APRT: variants seen among roughly 807,000 people sequenced by gnomAD.
APRT encodes the protein AMP diphosphorylase.
Under a neutral mutation model 21.0 loss-of-function variants are expected in APRT, and 25 were observed. The ratio of observed to expected loss-of-function variants is 1.19; its 90% CI spans 0.87 to 1.66. The LOEUF (loss-of-function observed/expected upper bound fraction) is 1.66. APRT is among the 40% of genes most tolerant of loss of function. The pLI is 0.00. For missense variants in APRT, 294 were observed against 232.7 expected, an observed-to-expected ratio of 1.26 and a Z score of -1.72; for synonymous variants, 153 against 109.0, an observed-to-expected ratio of 1.40 and a Z score of -2.52.
Position 88,809,535 on chromosome 16 carries a change from G to T in APRT, c.*163C>A. The T allele has an allele frequency of 8.7e-7, 1 of 1,153,182 alleles. No homozygotes were observed. Among genetic ancestry groups the T allele is most frequent in the Non-Finnish European group, 1.3e-6 (1 of 791,100 alleles). The allele number at this position is 1,153,182 out of a possible 1,614,324, so 71.4% of individuals were successfully genotyped here. A position where few individuals can be genotyped will look rare whatever the true frequency, so the allele number is the denominator to read the frequency against. On this transcript the variant is annotated 3_prime_UTR_variant, in exon 5 of 5. Transcript: ENST00000378364. Reference sequence around the variant, plus strand: ...TTGGGTTCAGTGTGGCTGAAACACAGCTTTGCCCCAGGCTTTGGCACTTCC... The same window carrying T: ...TTGGGTTCAGTGTGGCTGAAACACATCTTTGCCCCAGGCTTTGGCACTTCC...
Position 88,810,511 on chromosome 16 carries a change from T to C in APRT, c.233A>G (p.Glu78Gly). The C allele has an allele frequency of 5.0e-6, 8 of 1,612,194 alleles. No individual in the cohort carries two copies. Among genetic ancestry groups the C allele is most frequent in the Non-Finnish European group, 6.8e-6 (8 of 1,179,896 alleles). ...GATGAGCACGCAGCCCAGTCCAAGC[T>C]CCTGGGCCAGGGAGGGGCCAAAGAG... Reference protein sequence around the residue: ...GFLFGPSLAQELGLGCVLIRK... With the variant: ...GFLFGPSLAQGLGLGCVLIRK... The change falls in exon 3 of 5, where the codon GAG becomes GGG. Residue 78 changes from glutamate (E) to glycine (G), a missense_variant. Physicochemically the swap from Glu to Gly is moderately conservative, Grantham distance 98 (BLOSUM62 -2). Transcript: ENST00000378364.
chr16:88,811,482 G>A, intron 2 of APRT, 68 bp downstream of exon 2: 2 of 1,463,304 alleles, frequency 1.4e-6, no homozygotes, highest in Admixed American at 3.9e-5. Flanking sequence ...CAGACGCGCA[G>A]AGCCCACGTG....
In APRT at chr16:88,811,814, G is replaced by A; in HGVS notation, c.80+6C>T. 6.4e-7 allele frequency: 1 copy of A among 1,562,972 alleles called. No individual in the cohort carries two copies. The highest frequency in any genetic ancestry group is 1.2e-5 in the South Asian group (1 of 85,066). On this transcript the variant is annotated splice_donor_region_variant and intron_variant, in intron 1 of 4. Transcript: ENST00000378364. ...GGGGCGCCACGAGGGCGGCCTGTGC[G>A]TGCACCTGAATACCACGCCTGGGGT...
rs1479085979 is a variant in APRT, at chr16:88,810,148, C to T, written c.322G>A (p.Ala108Thr). The T allele has an allele frequency of 6.2e-7, 1 of 1,612,828 alleles. No individual in the cohort carries two copies. The highest frequency in any genetic ancestry group is 8.5e-7 in the Non-Finnish European group (1 of 1,179,948). ...WASYSLEYGKAELEIQKDALE... is the reference protein window; with the variant it reads ...WASYSLEYGKTELEIQKDALE... ...GCGTCTTTCTGAATCTCCAGCTCAG[C>T]CTGGAGTGGGAAGTGGTGTGTGGTC... The change falls in exon 4 of 5, where the codon GCT becomes ACT. Residue 108 changes from alanine (A) to threonine (T), a missense_variant and splice_region_variant. By Grantham distance (58) the Ala-to-Thr change is moderately conservative. Transcript: ENST00000378364.
rs777192813 is a variant in APRT, at chr16:88,811,644, G to A, written c.93C>T (p.Pro31=). 1.7e-5 allele frequency: 27 copies of A among 1,595,858 alleles called. No individual in the cohort carries two copies. Among genetic ancestry groups the A allele is most frequent in the East Asian group, 4.5e-5 (2 of 43,992 alleles). Reference sequence around the variant, plus strand: ...GGAAGGAGGCGGGGTCCTTCAGGACGGGCGAGATGTCCCTGGACCCAAGGA... The same window carrying A: ...GGAAGGAGGCGGGGTCCTTCAGGACAGGCGAGATGTCCCTGGACCCAAGGA... The part of the protein sequence containing the change: ...TPGVVFRDIS[P]VLKDPASFRA... The change falls in exon 2 of 5, where the codon CCC becomes CCT. Residue 31 remains proline, a synonymous_variant. Coordinates refer to ENST00000378364, the MANE Select transcript of APRT (RefSeq NM_000485.3).
chr16:88,810,301 C>T (rs1909070598), intron 3 of APRT, 122 bp downstream of exon 3: 8 of 1,526,970 alleles, frequency 5.2e-6, no homozygotes, highest in Middle Eastern at 1.7e-4. Context: ...TCTCTGAGCT[C>T]CCAAGGCCAC....
chr16:88,811,539 T>G lies in APRT; in HGVS notation c.187+11A>C. 1 of 1,581,998 alleles carries G rather than the reference T, an allele frequency of 6.3e-7. No individual in the cohort carries two copies. The highest frequency in any genetic ancestry group is 8.6e-7 in the Non-Finnish European group (1 of 1,165,496). ...GCGGAAGCGCCCTAGATGCGGCCAC[T>G]GGGCACTCGCCTGCGATGTAGTCGA... On this transcript the variant is annotated intron_variant, in intron 2 of 4. Transcript: ENST00000378364.
At position 88,809,481 on chromosome 16, in the gene APRT, T is replaced by C. The variant is rs768930726; in HGVS notation, c.*217A>G. 3 of 753,010 alleles carry C rather than the reference T, an allele frequency of 4.0e-6. No individual in the cohort carries two copies. Among genetic ancestry groups the C allele is most frequent in the African/African-American group, 3.4e-5 (2 of 58,032 alleles). The allele number at this position is 753,010 out of a possible 1,614,324, so 46.6% of individuals were successfully genotyped here. The stretch of plus-strand genomic sequence containing the variant: ...CAGGAGACGGCTCTTGTGGGAAAGC[T>C]GTTTACTGCGTTCTCCCGCTGTGTG... On this transcript the variant is annotated 3_prime_UTR_variant, in exon 5 of 5. Transcript: ENST00000378364.
In APRT at chr16:88,809,807, C is replaced by A; in HGVS notation, c.434G>T (p.Arg145Leu). 6.2e-7 allele frequency: 1 copy of A among 1,612,880 alleles called. No homozygotes were observed. Among genetic ancestry groups the A allele is most frequent in the Non-Finnish European group, 8.5e-7 (1 of 1,179,992 alleles). Reference sequence around the variant, plus strand: ...GCACTCCAGGACCTCAGCCTGCAGGCGGCCCAGCAGCTCACAGGCAGCGTT... The same window carrying A: ...GCACTCCAGGACCTCAGCCTGCAGGAGGCCCAGCAGCTCACAGGCAGCGTT... ...TMNAACELLGRLQAEVLECVS... is the reference protein window; with the variant it reads ...TMNAACELLGLLQAEVLECVS... Residue 145 changes from arginine to leucine, a missense_variant, in exon 5 of 5, where the codon CGC becomes CTC. Transcript: ENST00000378364.
intron 2 of APRT, chr16:88,811,315 G>A (rs1909128330): frequency 5.3e-6 from 3 of 570,954 alleles, no homozygotes; most frequent in Non-Finnish European, 9.3e-6. Flanking sequence ...CGGCAACTCG[G>A]TCACGCCTGT....
chr16:88,810,646 C>A (rs1410013793), intron 2 of APRT, 90 bp from the exon 3 acceptor site: 3 of 1,503,404 alleles, frequency 2.0e-6, no homozygotes, highest in Non-Finnish European at 2.7e-6. Context: ...TGGTTGGCTC[C>A]CAGCTGAAAG....
intron 3 of APRT, 35 bp from the exon 4 acceptor site, chr16:88,810,183 C>A: frequency 6.2e-7 from 1 of 1,604,492 alleles, no homozygotes; most frequent in Non-Finnish European, 8.5e-7. Context: ...CCTCAGCCTC[C>A]CGCAGAAAAC....
Position 88,809,528 on chromosome 16 carries a change from A to G in APRT, c.*170T>C. On this transcript the variant is annotated 3_prime_UTR_variant, in exon 5 of 5. Coordinates refer to ENST00000378364, the MANE Select transcript of APRT (RefSeq NM_000485.3). Reference sequence around the variant, plus strand: ...TGTGTAATTGGGTTCAGTGTGGCTGAAACACAGCTTTGCCCCAGGCTTTGG... The same window carrying G: ...TGTGTAATTGGGTTCAGTGTGGCTGGAACACAGCTTTGCCCCAGGCTTTGG... 1 of 1,102,250 alleles carries G rather than the reference A, an allele frequency of 9.1e-7. No individual in the cohort carries two copies. The highest frequency in any genetic ancestry group is 1.3e-6 in the Non-Finnish European group (1 of 746,728). The allele number at this position is 1,102,250 out of a possible 1,614,324, so 68.3% of individuals were successfully genotyped here.
chr16:88,809,685 G>C lies in APRT; in HGVS notation c.*13C>G, dbSNP rs1909031215. On this transcript the variant is annotated 3_prime_UTR_variant, in exon 5 of 5. Coordinates refer to ENST00000378364, the MANE Select transcript of APRT (RefSeq NM_000485.3). ...GGATCCAGCTGGAGATGTTGGGCTG[G>C]GAGGCCCTGTGGTCACTCATACTGC... 1 of 1,613,050 alleles carries C rather than the reference G, an allele frequency of 6.2e-7. No homozygotes were observed. Among genetic ancestry groups the C allele is most frequent in the Non-Finnish European group, 8.5e-7 (1 of 1,179,946 alleles).
At chr16:88,810,912 C>T (rs1480359660) in intron 2 of APRT, among the ~76,000 whole-genome samples, 1 of 152,118 alleles carries the variant, frequency 6.6e-6, no homozygotes, top group Non-Finnish European at 1.5e-5. Flanking sequence ...CTCGAGGTGG[C>T]CTGAGCTGTG....
At chr16:88,811,364 G>C (rs1909130535) in intron 2 of APRT, 186 bp downstream of exon 2, 4 of 642,782 alleles carry the variant, frequency 6.2e-6, no homozygotes, top group Non-Finnish European at 1.1e-5. Flanking sequence ...AAGGACGCCT[G>C]CACAGCGCGG....
In APRT at chr16:88,811,621, A is replaced by T. The variant is rs749052990; in HGVS notation, c.116T>A (p.Phe39Tyr). ...CGCCAGGAGGCCGATGGCGGCGCGG[A>T]AGGAGGCGGGGTCCTTCAGGACGGG... is the stretch of plus-strand genomic sequence containing the variant. ...ISPVLKDPAS[F>Y]RAAIGLLARH... Residue 39 changes from phenylalanine to tyrosine, a missense_variant, in exon 2 of 5, where the codon TTC (phenylalanine) becomes TAC (tyrosine). Transcript: ENST00000378364. 6.2e-7 allele frequency: 1 copy of T among 1,602,940 alleles called. No individual in the cohort carries two copies. The highest frequency in any genetic ancestry group is 2.3e-5 in the East Asian group (1 of 44,422).
intron 4 of APRT, 38 bp downstream of exon 4, chr16:88,810,032 C>T (rs746631133): frequency 1.2e-6 from 2 of 1,609,540 alleles, no homozygotes; most frequent in Non-Finnish European, 1.7e-6. Context: ...CCACCAGGCC[C>T]TTGGAGCCAC....
In APRT at chr16:88,809,979, G is replaced by A; in HGVS notation, c.400+91C>T. 5 of 1,567,172 alleles carry A rather than the reference G, an allele frequency of 3.2e-6. No individual in the cohort carries two copies. The South Asian group carries it at 5.5e-5, about 17-fold the overall frequency. On this transcript the variant is annotated intron_variant, in intron 4 of 4. Coordinates refer to ENST00000378364, the MANE Select transcript of APRT (RefSeq NM_000485.3). ...GCCACCAGGCACCCTCTGGACAACA[G>A]TAAGCTGCATCCCATGTCACACAGC...
Sources: gnomAD v4.1 joint callset for allele counts (sites outside exome capture counted in the v4.1 genomes callset) on GRCh38, gnomAD v4.1.1 for gene constraint, MANE v1.5 for transcripts, NCBI Gene and HGNC (gene_info 2026-07-23, HGNC 2026-07-21) for gene names.